SLC2A10: variants seen among roughly 807,000 people sequenced by gnomAD.
SLC2A10 encodes solute carrier family 2, facilitated glucose transporter member 10.
SLC2A10 carries 25 observed loss-of-function variants against 32.1 expected under a neutral mutation model. That is an observed-to-expected ratio of 0.78 (90% confidence interval 0.57 to 1.09). The LOEUF is 1.09. Ranked by LOEUF, SLC2A10 falls within the 50% of genes least tolerant of loss-of-function variation. The pLI is 0.00. For synonymous variants in SLC2A10, 332 were observed against 309.6 expected (o/e 1.07, Z -0.76); for missense variants, 673 against 686.5 (o/e 0.98, Z 0.22).
chr20:46,727,106 C>A, intron 3 of SLC2A10, 120 bp downstream of exon 3: 3 of 1,319,160 alleles, frequency 2.3e-6, no homozygotes, highest in Non-Finnish European at 3.3e-6. Flanking sequence ...GCAGAAACAT[C>A]ATCAAATGTC....
chr20:46,714,523 G>C (rs1600657047), intron 1 of SLC2A10: 1 of 152,682 alleles, frequency 6.5e-6, no homozygotes, highest in East Asian at 1.9e-4. Flanking sequence ...GGACTGAAGA[G>C]GGAGAGTAGA....
In SLC2A10 at chr20:46,726,935, T is replaced by A. The variant is rs1980003027; in HGVS notation, c.1360T>A (p.Phe454Ile). The change falls in exon 3 of 5, where the codon TTC becomes ATC. Residue 454 changes from phenylalanine (F) to isoleucine (I), a missense_variant. By Grantham distance (21) the Phe-to-Ile change is conservative. Transcript: ENST00000359271. ...RGRAFAFCNS[F>I]NWAANLFISL... ...AAGAGCCTTCGCCTTCTGCAACAGC[T>A]TCAACTGGGCGGCCAACCTCTTCAT... is the stretch of plus-strand genomic sequence containing the variant. The A allele has an allele frequency of 7.4e-6, 12 of 1,614,202 alleles. No homozygotes were observed. Among genetic ancestry groups the A allele is most frequent in the Non-Finnish European group, 1.0e-5 (12 of 1,180,042 alleles).
intron 1 of SLC2A10, among the ~76,000 whole-genome samples, chr20:46,713,824 C>A (rs1189530715): frequency 1.3e-5 from 2 of 152,118 alleles, no homozygotes; most frequent in Non-Finnish European, 2.9e-5. Context: ...AGGGCTGGGG[C>A]CCCGGAGGCT....
chr20:46,717,219 G>GA (rs1415658993), intron 1 of SLC2A10, among the ~76,000 whole-genome samples: 2 of 151,658 alleles, frequency 1.3e-5, no homozygotes, highest in African/African-American at 4.8e-5. Context: ...ATCAGTGCGG[G>GA]AAAAAATGGA....
chr20:46,710,010 G>C lies in SLC2A10; in HGVS notation c.4+270G>C, dbSNP rs1600652814. 7.6e-6 allele frequency: 4 copies of C among 529,486 alleles called. No individual in the cohort carries two copies. In the East Asian group the frequency reaches 1.0e-4, roughly 14 times the overall value. 32.8% of individuals were successfully genotyped at this position (529,486 alleles called of 1,614,324 possible). A position where few individuals can be genotyped will look rare whatever the true frequency, so the allele number is the denominator to read the frequency against. On this transcript the variant is annotated intron_variant, in intron 1 of 4. Transcript: ENST00000359271. ...CCCACTCGGGCCCAGGCACTCTCCC[G>C]GGCGCCCTGATCCGACAGCCCCAGG...
At position 46,725,786 on chromosome 20, in the gene SLC2A10, G is replaced by C; in HGVS notation, c.750G>C (p.Val250=). The C allele has an allele frequency of 6.2e-7, 1 of 1,614,216 alleles. No homozygotes were observed. Among genetic ancestry groups the C allele is most frequent in the African/African-American group, 1.3e-5 (1 of 75,062 alleles). Reference sequence around the variant, plus strand: ...AGCAACTAACAGGGCAGCCCAACGTGCTGTGCTATGCCTCCACCATCTTCA... The same window carrying C: ...AGCAACTAACAGGGCAGCCCAACGTCCTGTGCTATGCCTCCACCATCTTCA... ...LFQQLTGQPN[V]LCYASTIFSS... The change falls in exon 2 of 5, where the codon GTG becomes GTC. Residue 250 remains valine, a synonymous_variant. Transcript: ENST00000359271.
upstream of SLC2A10, among the ~76,000 whole-genome samples, chr20:46,708,942 G>T (rs1978742462): frequency 6.6e-6 from 1 of 152,182 alleles, no homozygotes; most frequent in Non-Finnish European, 1.5e-5. Context: ...TCTCAGATCA[G>T]CAAGCTAAAG....
chr20:46,725,782 A>G lies in SLC2A10; in HGVS notation c.746A>G (p.Asn249Ser), dbSNP rs531533787. 1.1e-4 allele frequency: 171 copies of G among 1,614,210 alleles called. 3 individuals are homozygous for G. The South Asian group carries it at 1.6e-3, about 16-fold the overall frequency. ...VLFQQLTGQP[N>S]VLCYASTIFS... Reference sequence around the variant, plus strand: ...TTCCAGCAACTAACAGGGCAGCCCAACGTGCTGTGCTATGCCTCCACCATC... The same window carrying G: ...TTCCAGCAACTAACAGGGCAGCCCAGCGTGCTGTGCTATGCCTCCACCATC... The change falls in exon 2 of 5, where the codon AAC becomes AGC. Residue 249 changes from asparagine (N) to serine (S), a missense_variant. Transcript: ENST00000359271.
In SLC2A10 at chr20:46,726,196, C is replaced by G. The variant is rs1418695398; in HGVS notation, c.1160C>G (p.Pro387Arg). The G allele has an allele frequency of 1.9e-6, 3 of 1,614,092 alleles. No homozygotes were observed. Among genetic ancestry groups the G allele is most frequent in the Non-Finnish European group, 2.5e-6 (3 of 1,180,054 alleles). The change falls in exon 2 of 5, where the codon CCT becomes CGT. Residue 387 changes from proline to arginine, a missense_variant. Coordinates refer to ENST00000359271, the MANE Select transcript of SLC2A10 (RefSeq NM_030777.4). Reference protein sequence around the residue: ...HPRSGDPSAPPRLALSSALPG... With the variant: ...HPRSGDPSAPRRLALSSALPG... ...AGATCTGGAGACCCCTCAGCCCCTC[C>G]TCGGCTGGCCCTGAGCTCTGCCCTC...
chr20:46,720,719 G>T (rs1421787099), intron 1 of SLC2A10, among the ~76,000 whole-genome samples: 1 of 152,138 alleles, frequency 6.6e-6, no homozygotes, highest in Non-Finnish European at 1.5e-5. Context: ...TTTTAAAGGA[G>T]AAAAATGTTT....
chr20:46,713,236 A>G (rs767039375), intron 1 of SLC2A10, among the ~76,000 whole-genome samples: 4 of 152,220 alleles, frequency 2.6e-5, no homozygotes, highest in Non-Finnish European at 5.9e-5. Flanking sequence ...CAGGGAGACC[A>G]ATAAATATGT....
intron 1 of SLC2A10, 123 bp downstream of exon 1, chr20:46,709,863 C>T: frequency 8.1e-7 from 1 of 1,235,306 alleles, no homozygotes; most frequent in Middle Eastern, 2.4e-4. Context: ...CGGCCGGATA[C>T]CGCCTCTCGG....
At chr20:46,732,437 T>C (rs745898609) in intron 4 of SLC2A10, among the ~76,000 whole-genome samples, 1 of 152,096 alleles carries the variant, frequency 6.6e-6, no homozygotes, top group Non-Finnish European at 1.5e-5. Context: ...TCTCTGGACT[T>C]AGAAGGAAGT....
rs774020636 is a variant in SLC2A10 at position 46,734,025 on chromosome 20, C to T, written c.*191C>T. 89 of 654,740 alleles carry T rather than the reference C, an allele frequency of 1.4e-4. No individual in the cohort carries two copies. The highest frequency in any genetic ancestry group is 2.2e-4 in the Non-Finnish European group (80 of 362,444). The allele number at this position is 654,740 out of a possible 1,614,324, so 40.6% of individuals were successfully genotyped here. Reference sequence around the variant, plus strand: ...ATGCCCAACTCTTCATTTTGAGTCTCAGGCCCTGAAGGTTCCTGAGGATCT... The same window carrying T: ...ATGCCCAACTCTTCATTTTGAGTCTTAGGCCCTGAAGGTTCCTGAGGATCT... On this transcript the variant is annotated 3_prime_UTR_variant, in exon 5 of 5. Coordinates refer to ENST00000359271, the MANE Select transcript of SLC2A10 (RefSeq NM_030777.4).
intron 1 of SLC2A10, among the ~76,000 whole-genome samples, chr20:46,724,292 T>C (rs1166687793): frequency 6.6e-6 from 1 of 152,214 alleles, no homozygotes; most frequent in Non-Finnish European, 1.5e-5. Context: ...CTTCCTGGCA[T>C]GTTGTAAATG....
At position 46,725,048 on chromosome 20, in the gene SLC2A10, C is replaced by A. The variant is rs1185805141; in HGVS notation, c.12C>A (p.Ser4=). 4 of 1,614,196 alleles carry A rather than the reference C, an allele frequency of 2.5e-6. No homozygotes were observed. Among genetic ancestry groups the A allele is most frequent in the Admixed American group, 3.3e-5 (2 of 60,030 alleles). The part of the protein sequence containing the change: MGH[S]PPVLPLCASV... ...CTCACTTTTGTTTTTTAGGCCACTC[C>A]CCACCTGTCCTGCCTTTGTGTGCCT... The change falls in exon 2 of 5, where the codon TCC becomes TCA. Residue 4 remains serine (S), a synonymous_variant. Transcript: ENST00000359271.
At chr20:46,713,021 G>A (rs1487621933) in intron 1 of SLC2A10, among the ~76,000 whole-genome samples, 1 of 151,994 alleles carries the variant, frequency 6.6e-6, no homozygotes, top group Non-Finnish European at 1.5e-5. Flanking sequence ...CCAGGCCCTG[G>A]ACCTTTCAGA....
At chr20:46,721,398 G>A (rs915355958) in intron 1 of SLC2A10, among the ~76,000 whole-genome samples, 3 of 149,816 alleles carry the variant, frequency 2.0e-5, no homozygotes, top group Non-Finnish European at 3.0e-5. Flanking sequence ...CTATATATGT[G>A]TAAAAATGAC....
chr20:46,729,440 C>G lies in SLC2A10; in HGVS notation c.1499C>G (p.Thr500Arg). Residue 500 changes from threonine to arginine, a missense_variant, in exon 4 of 5, where the codon ACA (threonine) becomes AGA (arginine). Physicochemically the swap from Thr to Arg is moderately conservative, Grantham distance 71 (BLOSUM62 -1). Transcript: ENST00000359271. ...LGFIYLFVPETKGQSLAEIDQ... is the reference protein window; with the variant it reads ...LGFIYLFVPERKGQSLAEIDQ... ...TTCATCTATTTATTTGTTCCTGAAA[C>G]AAAAGGCCAGTCGTTGGCAGAGATA... 6.2e-7 allele frequency: 1 copy of G among 1,613,738 alleles called. No homozygotes were observed. The highest frequency in any genetic ancestry group is 8.5e-7 in the Non-Finnish European group (1 of 1,179,888).
Sources: allele counts gnomAD v4.1 joint callset (sites outside exome capture counted in the v4.1 genomes callset), GRCh38; gene constraint gnomAD v4.1.1; transcripts MANE v1.5; gene names NCBI Gene and HGNC (gene_info 2026-07-23, HGNC 2026-07-21).